SPDYA: variants seen among roughly 807,000 people sequenced by gnomAD.
The protein encoded by SPDYA is speedy/RINGO cell cycle regulator family member A.
SPDYA carries 11 observed loss-of-function variants against 36.7 expected under a neutral mutation model. The observed-to-expected ratio is 0.30, with a 90% CI of 0.19 to 0.50. SPDYA has a LOEUF of 0.50. Ranked by LOEUF, SPDYA falls within the 20% of genes least tolerant of loss-of-function variation. The pLI is 0.98. For missense variants in SPDYA, 287 were observed against 370.9 expected (o/e 0.77, Z 1.86); for synonymous variants, 115 against 118.7 (o/e 0.97, Z 0.20).
At chr2:28,830,296 C>T (rs1240957163) in intron 6 of SPDYA, among the ~76,000 whole-genome samples, 1 of 149,736 alleles carries the variant, frequency 6.7e-6, no homozygotes, top group African/African-American at 2.5e-5. Flanking sequence ...CTCCGCCTCC[C>T]GGGTCCACGC....
intron 5 of SPDYA, among the ~76,000 whole-genome samples, chr2:28,828,175 T>G (rs1668379799): frequency 6.6e-6 from 1 of 151,816 alleles, no homozygotes; most frequent in African/African-American, 2.4e-5. Context: ...TTAGGAGAGA[T>G]GGGGTTTCAC....
Position 28,810,911 on chromosome 2 carries a change from G to C in SPDYA, c.-129G>C, listed in dbSNP as rs1435497940. On this transcript the variant is annotated 5_prime_UTR_variant, in exon 1 of 8. Coordinates refer to ENST00000334056, the MANE Select transcript of SPDYA (RefSeq NM_182756.4). ...CTGCGACGGAGCCTTGACCGCCGTT[G>C]CCCGGCCCTCTCCCGCGCAGCCCCG... The C allele has an allele frequency of 6.6e-6, 1 of 152,354 alleles. No individual in the cohort carries two copies. The highest frequency in any genetic ancestry group is 1.5e-5 in the Non-Finnish European group (1 of 68,150). 9.4% of individuals were successfully genotyped at this position (152,354 alleles called of 1,614,324 possible).
rs576348005 is a variant in SPDYA at position 28,825,659 on chromosome 2, C to A, written c.380+3249C>A. Reference sequence around the variant, plus strand: ...TATTTGTTTCATGCTTACTTGCCTTCTTTACTTAATTGTAGGCTCCTTATG... The same window carrying A: ...TATTTGTTTCATGCTTACTTGCCTTATTTACTTAATTGTAGGCTCCTTATG... On this transcript the variant is annotated intron_variant, in intron 5 of 7. Coordinates refer to ENST00000334056, the MANE Select transcript of SPDYA (RefSeq NM_182756.4). 2.0e-5 allele frequency among the ~76,000 whole-genome samples: 3 copies of A among 152,210 alleles called. No individual in the cohort carries two copies. In the East Asian group the frequency reaches 5.8e-4, roughly 29 times the overall value.
intron 1 of SPDYA, among the ~76,000 whole-genome samples, chr2:28,812,857 CAAAAAAA>C (rs70956047): frequency 3.6e-4 from 30 of 84,026 alleles, no homozygotes; most frequent in East Asian, 8.1e-4. Flanking sequence ...AACTCCGTCT[CAAAAAAA>C]AAAAAAAAAA....
chr2:28,822,257 C>A, intron 4 of SPDYA, 68 bp from the exon 5 acceptor site: 1 of 649,556 alleles, frequency 1.5e-6, no homozygotes, highest in Non-Finnish European at 2.5e-6. Context: ...TTAAAGTTAA[C>A]TATTTTAAAG....
At chr2:28,814,093 A>G (rs914821713) in intron 1 of SPDYA, among the ~76,000 whole-genome samples, 5 of 152,244 alleles carry the variant, frequency 3.3e-5, no homozygotes, top group Non-Finnish European at 5.9e-5. Flanking sequence ...GAGCAATTAG[A>G]TAAGTATATT....
Position 28,819,878 on chromosome 2 carries a change from A to G in SPDYA, c.294+772A>G, listed in dbSNP as rs1274730443. Among the ~76,000 whole-genome samples, 158 of 43,118 alleles carry G rather than the reference A, an allele frequency of 3.7e-3. 33 individuals carry two copies. The highest frequency in any genetic ancestry group is 7.2e-3 in the Admixed American group (17 of 2,358). 28.3% of individuals were successfully genotyped at this position (43,118 alleles called of 152,430 possible). ...TATATATATATATATATATATATAT[A>G]TATATATATATATATATATATATAT... On this transcript the variant is annotated intron_variant, in intron 4 of 7. Transcript: ENST00000334056.
chr2:28,840,365 C>T lies in SPDYA; in HGVS notation c.746C>T (p.Ser249Phe). 6.2e-7 allele frequency: 1 copy of T among 1,611,088 alleles called. No individual in the cohort carries two copies. Among genetic ancestry groups the T allele is most frequent in the Middle Eastern group, 1.7e-4 (1 of 6,048 alleles). The change falls in exon 7 of 8, where the codon TCC (serine) becomes TTC (phenylalanine). Residue 249 changes from serine (S) to phenylalanine (F), a missense_variant. Physicochemically the swap from Ser to Phe is radical, Grantham distance 155. Transcript: ENST00000334056. The stretch of plus-strand genomic sequence containing the variant: ...GGATTGTCTTCATCATCATCTTTAT[C>T]CAGTCATACAGCAGGGGTGACAGAA... ...RLGLSSSSSL[S>F]SHTAGVTEKH...
At chr2:28,821,422 T>C (rs62131972) in intron 4 of SPDYA, among the ~76,000 whole-genome samples, 78,228 of 151,338 alleles carry the variant, frequency 0.52, 20,739 homozygotes, top group Middle Eastern at 0.61. Context: ...AGCCTGGTCT[T>C]GAACTCCTGA....
Position 28,840,247 on chromosome 2 carries a change from T to C in SPDYA, c.628T>C (p.Tyr210His). ...TCATCACAGTGGAGCTGTCAGAAAC[T>C]ACAACAGAGATGAAGTTCAGCTGCC... The part of the protein sequence containing the change: ...SVHHSGAVRN[Y>H]NRDEVQLPRG... Residue 210 changes from tyrosine (Y) to histidine (H), a missense_variant, in exon 7 of 8, where the codon TAC becomes CAC. Tyr to His is a moderately conservative substitution (Grantham distance 83). Coordinates refer to ENST00000334056, the MANE Select transcript of SPDYA (RefSeq NM_182756.4). 3 of 1,614,096 alleles carry C rather than the reference T, an allele frequency of 1.9e-6. No individual in the cohort carries two copies. Among genetic ancestry groups the C allele is most frequent in the Non-Finnish European group, 2.5e-6 (3 of 1,180,008 alleles).
intron 6 of SPDYA, among the ~76,000 whole-genome samples, chr2:28,830,200 C>CTTTT (rs573724918): frequency 2.8e-5 from 3 of 108,738 alleles, no homozygotes; most frequent in African/African-American, 6.7e-5. Flanking sequence ...ATAGTAAGTA[C>CTTTT]TTTTTTTTTT....
chr2:28,838,893 C>T (rs1668677601), intron 6 of SPDYA, among the ~76,000 whole-genome samples: 2 of 152,324 alleles, frequency 1.3e-5, no homozygotes, highest in Non-Finnish European at 2.9e-5. Flanking sequence ...TTGAAAATCA[C>T]TGCTCTAGGC....
At chr2:28,812,702 C>G (rs562145970) in intron 1 of SPDYA, among the ~76,000 whole-genome samples, 2 of 151,636 alleles carry the variant, frequency 1.3e-5, no homozygotes, top group South Asian at 4.2e-4. Flanking sequence ...ACTGAAAATA[C>G]GAAAATTAGC....
chr2:28,814,236 C>T (rs915330112), intron 1 of SPDYA, among the ~76,000 whole-genome samples: 3 of 152,008 alleles, frequency 2.0e-5, no homozygotes, highest in African/African-American at 4.8e-5. Context: ...TATTTTTCTC[C>T]TACAAATTAC....
chr2:28,822,291 CATTAAT>C, intron 4 of SPDYA, 28 bp from the exon 5 acceptor site: 1 of 1,045,916 alleles, frequency 9.6e-7, no homozygotes. Flanking sequence ...GAAAGCAAAA[CATTAAT>C]ATTAATTTTT....
chr2:28,818,391 C>T (rs1047481761), intron 3 of SPDYA, among the ~76,000 whole-genome samples: 4 of 149,188 alleles, frequency 2.7e-5, no homozygotes, highest in Non-Finnish European at 4.4e-5. Flanking sequence ...ATCACTTGAG[C>T]CCAGAAGTTC....
Position 28,850,111 on chromosome 2 carries a change from T to C in SPDYA, c.*170T>C. 1 of 1,321,504 alleles carries C rather than the reference T, an allele frequency of 7.6e-7. No homozygotes were observed. Among genetic ancestry groups the C allele is most frequent in the Non-Finnish European group, 1.1e-6 (1 of 937,652 alleles). 81.9% of individuals were successfully genotyped at this position (1,321,504 alleles called of 1,614,324 possible). Reference sequence around the variant, plus strand: ...TATAAGTCATAGTAATAGCTAAAAATGCCAATCTATGGAAGCAGTGATTTT... The same window carrying C: ...TATAAGTCATAGTAATAGCTAAAAACGCCAATCTATGGAAGCAGTGATTTT... On this transcript the variant is annotated 3_prime_UTR_variant, in exon 8 of 8. Coordinates refer to ENST00000334056, the MANE Select transcript of SPDYA (RefSeq NM_182756.4).
rs1668618838 is a variant in SPDYA, at chr2:28,836,921, G to A, written c.553-3251G>A. 2.0e-5 allele frequency among the ~76,000 whole-genome samples: 3 copies of A among 152,182 alleles called. No homozygotes were observed. In the South Asian group the frequency reaches 6.2e-4, roughly 31 times the overall value. ...GGGAGGATGCCTATCTAATGAGAGA[G>A]TTAGACTACACTTCCAGCCCCTTTC... is the stretch of plus-strand genomic sequence containing the variant. On this transcript the variant is annotated intron_variant, in intron 6 of 7. Transcript: ENST00000334056.
intron 4 of SPDYA, 116 bp downstream of exon 4, chr2:28,819,222 C>A: frequency 1.3e-6 from 1 of 773,232 alleles, no homozygotes; most frequent in Non-Finnish European, 2.0e-6. Flanking sequence ...AAGAAAAGAG[C>A]TAGTGGCCAG....
Sources: allele counts gnomAD v4.1 joint callset (sites outside exome capture counted in the v4.1 genomes callset), GRCh38; gene constraint gnomAD v4.1.1; transcripts MANE v1.5; gene names NCBI Gene and HGNC (gene_info 2026-07-23, HGNC 2026-07-21).